The following CHD3 variants were observed in gnomAD, a reference collection of about 807,000 sequenced individuals.
The protein encoded by CHD3 is ATP-dependent chromatin remodeler CHD3.
In CHD3, 52 loss-of-function variants were observed where a neutral mutation model predicts 248.9. That is an observed-to-expected ratio of 0.21 (90% CI 0.17 to 0.26). The LOEUF (loss-of-function observed/expected upper bound fraction) is 0.26, where lower values mean the gene tolerates loss of function less well. Among genes scored for constraint, CHD3 ranks in the 10% least tolerant of loss-of-function variants. The pLI, the probability that CHD3 is intolerant of heterozygous loss-of-function variation, is 1.00. For synonymous variants in CHD3, 985 were observed against 985.2 expected (o/e 1.00, Z 0.00); for missense variants, 1,482 against 2,605.8 (o/e 0.57, Z 9.39).
chr17:7,897,872 T>G lies in CHD3; in HGVS notation c.1920-99T>G. 1 of 1,365,294 alleles carries G rather than the reference T, an allele frequency of 7.3e-7. No individual in the cohort carries two copies. The highest frequency in any genetic ancestry group is 1.0e-6 in the Non-Finnish European group (1 of 999,790). 84.6% of individuals were successfully genotyped at this position (1,365,294 alleles called of 1,614,324 possible). On this transcript the variant is annotated intron_variant, in intron 11 of 39. Transcript: ENST00000330494. The surrounding 1 kb of genome is among the most constrained non-coding windows in gnomAD (Gnocchi z 4.8). ...CTGTTGACGGTTGGGTGACAAATTT[T>G]GTGTGTTTGCTGATAATTGCGTTTC...
At position 7,904,745 on chromosome 17, in the gene CHD3, A is replaced by G. The variant is rs141535644; in HGVS notation, c.4072+126A>G. On this transcript the variant is annotated intron_variant, in intron 25 of 39. Coordinates refer to ENST00000330494, the MANE Select transcript of CHD3 (RefSeq NM_001005273.3). The surrounding 1 kb of genome is among the most constrained non-coding windows in gnomAD (Gnocchi z 4.4). ...TCAGAGCCTTCCTCTGCTAAAAGGGAAAGACATAAGGTAGAGTCATTAGGA... is the reference window on the plus strand; with the variant it reads ...TCAGAGCCTTCCTCTGCTAAAAGGGGAAGACATAAGGTAGAGTCATTAGGA... 4.3e-4 allele frequency: 407 copies of G among 941,842 alleles called. 2 individuals carry two copies. The African/African-American group carries it at 6.2e-3, about 14-fold the overall frequency. The allele number at this position is 941,842 out of a possible 1,614,324, so 58.3% of individuals were successfully genotyped here. A position where few individuals can be genotyped will look rare whatever the true frequency, so the allele number is the denominator to read the frequency against.
In CHD3 at chr17:7,888,912, G is replaced by T. The variant is rs778951661; in HGVS notation, c.-89G>T. The T allele has an allele frequency of 2.5e-6, 4 of 1,591,066 alleles. No individual in the cohort carries two copies. Among genetic ancestry groups the T allele is most frequent in the Non-Finnish European group, 2.6e-6 (3 of 1,168,088 alleles). ...TATGGCCCCCTAGTTCCCAAAGGGAGCAGGGAGATGGGAATAGAATTGAAG... is the reference window on the plus strand; with the variant it reads ...TATGGCCCCCTAGTTCCCAAAGGGATCAGGGAGATGGGAATAGAATTGAAG... On this transcript the variant is annotated 5_prime_UTR_variant, in exon 1 of 40. Coordinates refer to ENST00000330494, the MANE Select transcript of CHD3 (RefSeq NM_001005273.3).
chr17:7,902,854 T>A, intron 21 of CHD3, 83 bp from the exon 22 acceptor site: 2 of 1,587,784 alleles, frequency 1.3e-6, no homozygotes, highest in South Asian at 2.3e-5. Context: ...GGGGCATGGT[T>A]GTTTGTCATC....
chr17:7,899,308 C>A lies in CHD3; in HGVS notation c.2344-35C>A, dbSNP rs781451571. ...GAGGACTAGGGTATACGGCCTCTAG[C>A]CTAGACTTATGCTGCCCCCATTCTT... On this transcript the variant is annotated intron_variant, in intron 14 of 39. Transcript: ENST00000330494. The surrounding 1 kb of genome is among the most constrained non-coding windows in gnomAD (Gnocchi z 6.8). The A allele has an allele frequency of 6.2e-7, 1 of 1,611,796 alleles. No individual in the cohort carries two copies. Among genetic ancestry groups the A allele is most frequent in the Non-Finnish European group, 8.5e-7 (1 of 1,178,070 alleles).
At position 7,890,707 on chromosome 17, in the gene CHD3, G is replaced by A. The variant is rs1597920787; in HGVS notation, c.350G>A (p.Arg117Gln). ...HREKKEKKTK[R>Q]RKKGEGDGGQ... ...GAAAAAAAGGAGAAGAAGACAAAGC[G>A]GCGGAAAAAGGGGGAGGGAGATGGG... The change falls in exon 3 of 40, where the codon CGG (arginine) becomes CAG (glutamine). Residue 117 changes from arginine to glutamine, a missense_variant. By Grantham distance (43) the Arg-to-Gln change is conservative. Around this residue, in one of 20 missense-constraint regions of CHD3, gnomAD observed 169 missense variants for 168.1 expected, o/e 1.01. Coordinates refer to ENST00000330494, the MANE Select transcript of CHD3 (RefSeq NM_001005273.3). 1.9e-6 allele frequency: 3 copies of A among 1,584,118 alleles called. No homozygotes were observed. Among genetic ancestry groups the A allele is most frequent in the South Asian group, 1.1e-5 (1 of 88,664 alleles).
Position 7,908,310 on chromosome 17 carries a change from C to A in CHD3, c.5153-92C>A. The A allele has an allele frequency of 9.4e-7, 1 of 1,063,780 alleles. No individual in the cohort carries two copies. Among genetic ancestry groups the A allele is most frequent in the Non-Finnish European group, 1.4e-6 (1 of 711,562 alleles). 65.9% of individuals were successfully genotyped at this position (1,063,780 alleles called of 1,614,324 possible). A position where few individuals can be genotyped will look rare whatever the true frequency, so the allele number is the denominator to read the frequency against. ...TCTTCAGGAGCCCTTAGTTCCCTTT[C>A]ATTATTCAGTTTCTCCATCTCTACC... On this transcript the variant is annotated intron_variant, in intron 34 of 39. Coordinates refer to ENST00000330494, the MANE Select transcript of CHD3 (RefSeq NM_001005273.3). The surrounding 1 kb of genome is among the most constrained non-coding windows in gnomAD (Gnocchi z 5.8).
At position 7,908,040 on chromosome 17, in the gene CHD3, T is replaced by A. The variant is rs765304702; in HGVS notation, c.5152+21T>A. On this transcript the variant is annotated intron_variant, in intron 34 of 39. Transcript: ENST00000330494. This position sits in a 1 kb window ranked among gnomAD's most constrained non-coding sequence, Gnocchi z 5.8. Reference sequence around the variant, plus strand: ...CACAGGTTGGGGAGACTCTCGCTGCTTTCTGCTCCTCAAGGGGATCTGCTC... The same window carrying A: ...CACAGGTTGGGGAGACTCTCGCTGCATTCTGCTCCTCAAGGGGATCTGCTC... 1 of 1,581,724 alleles carries A rather than the reference T, an allele frequency of 6.3e-7. No individual in the cohort carries two copies. The highest frequency in any genetic ancestry group is 1.1e-5 in the South Asian group (1 of 88,274).
chr17:7,897,312 G>A lies in CHD3; in HGVS notation c.1919+18G>A. ...AACCACAGGTGAATCCTCGGTCCCT[G>A]GGAAGTCAGACCTGGTATATGACAT... On this transcript the variant is annotated intron_variant, in intron 11 of 39. Coordinates refer to ENST00000330494, the MANE Select transcript of CHD3 (RefSeq NM_001005273.3). The surrounding 1 kb of genome is among the most constrained non-coding windows in gnomAD (Gnocchi z 4.8). 6.2e-7 allele frequency: 1 copy of A among 1,606,920 alleles called. No homozygotes were observed.
Position 7,898,522 on chromosome 17 carries a change from C to T in CHD3, c.2078C>T (p.Ala693Val). ...GAACTAATTATGGGGGAAGACCCTG[C>T]CCAGCCCCGCAAGTATAAGAAGAAG... ...HRELIMGEDP[A>V]QPRKYKKKKK... The change falls in exon 13 of 40, where the codon GCC (alanine) becomes GTC (valine). Residue 693 changes from alanine to valine, a missense_variant. Around this residue, in one of 20 missense-constraint regions of CHD3, gnomAD observed 127 missense variants for 188.3 expected, o/e 0.67. Transcript: ENST00000330494. The T allele has an allele frequency of 1.2e-6, 2 of 1,613,970 alleles. No individual in the cohort carries two copies. Among genetic ancestry groups the T allele is most frequent in the South Asian group, 2.2e-5 (2 of 91,070 alleles).
Position 7,907,432 on chromosome 17 carries a change from G to C in CHD3, c.4868G>C (p.Gly1623Ala). ...ATTCCTCTAGAGGATGAGGTGCCAG[G>C]GGTGCCTGGAGAGATGGAGCCTGAA... ...RKIPLEDEVP[G>A]VPGEMEPEPG... Residue 1623 changes from glycine (G) to alanine (A), a missense_variant, in exon 32 of 40, where the codon GGG becomes GCG. Transcript: ENST00000330494. This position sits in a 1 kb window ranked among gnomAD's most constrained non-coding sequence, Gnocchi z 4.3. The C allele has an allele frequency of 6.2e-7, 1 of 1,611,442 alleles. No homozygotes were observed. The highest frequency in any genetic ancestry group is 8.5e-7 in the Non-Finnish European group (1 of 1,178,736).
At chr17:7,901,213 C>T (rs779049648) in intron 19 of CHD3, 31 bp from the exon 20 acceptor site, 4 of 1,571,102 alleles carry the variant, frequency 2.5e-6, no homozygotes, top group African/African-American at 1.4e-5. Context: ...TCCAACTGAC[C>T]CCCTCCTCCT....
chr17:7,884,911 GGT>G, upstream of CHD3: 1 of 1,418,754 alleles, frequency 7.0e-7, no homozygotes, highest in East Asian at 3.0e-5. Flanking sequence ...AGGAGGAGGA[GGT>G]GGAGGCGGCC....
chr17:7,897,016 C>T lies in CHD3; in HGVS notation c.1708-67C>T. The T allele has an allele frequency of 2.2e-6, 3 of 1,375,682 alleles. No individual in the cohort carries two copies. Among genetic ancestry groups the T allele is most frequent in the Non-Finnish European group, 3.1e-6 (3 of 967,612 alleles). 85.2% of individuals were successfully genotyped at this position (1,375,682 alleles called of 1,614,324 possible). ...GTCCCATTCCTCCTGCCGGCCTCTT[C>T]CCGGTTCCTTGTTGTCCTCTGTGAG... On this transcript the variant is annotated intron_variant, in intron 10 of 39. Coordinates refer to ENST00000330494, the MANE Select transcript of CHD3 (RefSeq NM_001005273.3). The surrounding 1 kb of genome is among the most constrained non-coding windows in gnomAD (Gnocchi z 4.8).
At position 7,899,248 on chromosome 17, in the gene CHD3, G is replaced by A. The variant is rs752245914; in HGVS notation, c.2343+46G>A. On this transcript the variant is annotated intron_variant, in intron 14 of 39. Coordinates refer to ENST00000330494, the MANE Select transcript of CHD3 (RefSeq NM_001005273.3). The surrounding 1 kb of genome is among the most constrained non-coding windows in gnomAD (Gnocchi z 6.8). The stretch of plus-strand genomic sequence containing the variant: ...GAAGGGGACCGCCTGGACTGGGGAA[G>A]TGGGGAGGGGGAAGATAAAGGGGTG... 6 of 1,603,612 alleles carry A rather than the reference G, an allele frequency of 3.7e-6. No homozygotes were observed. The South Asian group carries it at 6.6e-5, about 18-fold the overall frequency.
In CHD3 at chr17:7,890,573, C is replaced by T; in HGVS notation, c.216C>T (p.Asp72=). 6.3e-7 allele frequency: 1 copy of T among 1,576,034 alleles called. No homozygotes were observed. Among genetic ancestry groups the T allele is most frequent in the African/African-American group, 1.4e-5 (1 of 72,264 alleles). Residue 72 remains aspartate (D), a splice_region_variant and synonymous_variant, in exon 3 of 40, where the codon GAC becomes GAT. Transcript: ENST00000330494. The stretch of plus-strand genomic sequence containing the variant: ...TTATTTTTATTTCTTTCTCTTAGGA[C>T]AGTGAGGAGGAATTTGGTTCTGAGC... ...PGKPRKRKKR[D]SEEEFGSERD...
Position 7,899,130 on chromosome 17 carries a change from C to A in CHD3, c.2271C>A (p.Thr757=), listed in dbSNP as rs752621737. 1.2e-6 allele frequency: 2 copies of A among 1,614,046 alleles called. No individual in the cohort carries two copies. The highest frequency in any genetic ancestry group is 2.2e-5 in the East Asian group (1 of 44,902). ...TCTCCTGGGCCCAGGGCACTGACAC[C>A]ATTCTAGCTGATGAGATGGGGCTAG... ...LRFSWAQGTD[T]ILADEMGLGK... is the part of the protein sequence containing the mutation. The change falls in exon 14 of 40, where the codon ACC becomes ACA. Residue 757 remains threonine (T), a synonymous_variant. Coordinates refer to ENST00000330494, the MANE Select transcript of CHD3 (RefSeq NM_001005273.3). The surrounding 1 kb of genome is among the most constrained non-coding windows in gnomAD (Gnocchi z 6.8).
At position 7,900,544 on chromosome 17, in the gene CHD3, C is replaced by A; in HGVS notation, c.2805-14C>A. On this transcript the variant is annotated splice_polypyrimidine_tract_variant and intron_variant, in intron 17 of 39. Coordinates refer to ENST00000330494, the MANE Select transcript of CHD3 (RefSeq NM_001005273.3). This position sits in a 1 kb window ranked among gnomAD's most constrained non-coding sequence, Gnocchi z 6.5. ...CTTGCCGACCTGTTAATTTTCTTCT[C>A]TTCTGGCTCTTAGCAACTTGGAGGG... 1 of 1,612,124 alleles carries A rather than the reference C, an allele frequency of 6.2e-7. No homozygotes were observed. The highest frequency in any genetic ancestry group is 1.3e-5 in the African/African-American group (1 of 74,986).
In CHD3 at chr17:7,900,164, G is replaced by A; in HGVS notation, c.2683-126G>A. Reference sequence around the variant, plus strand: ...ACGTCCAGGTTGGAAGAGGGAGAGGGCCAGAGATTTGGGGCCTCTGATCCT... The same window carrying A: ...ACGTCCAGGTTGGAAGAGGGAGAGGACCAGAGATTTGGGGCCTCTGATCCT... On this transcript the variant is annotated intron_variant, in intron 16 of 39. Transcript: ENST00000330494. This position sits in a 1 kb window ranked among gnomAD's most constrained non-coding sequence, Gnocchi z 6.5. The A allele has an allele frequency of 2.0e-6, 3 of 1,528,154 alleles. No individual in the cohort carries two copies. Among genetic ancestry groups the A allele is most frequent in the Non-Finnish European group, 2.7e-6 (3 of 1,125,192 alleles). The allele number at this position is 1,528,154 out of a possible 1,614,324, so 94.7% of individuals were successfully genotyped here.
At position 7,903,886 on chromosome 17, in the gene CHD3, G is replaced by C; in HGVS notation, c.3789G>C (p.Leu1263=). ...IHYDNEAIAR[L]LDRNQDATED... ...ATGACAATGAGGCCATCGCTCGGCTGTTGGACCGGAACCAGGATGCAACTG... is the reference window on the plus strand; with the variant it reads ...ATGACAATGAGGCCATCGCTCGGCTCTTGGACCGGAACCAGGATGCAACTG... The change falls in exon 24 of 40, where the codon CTG becomes CTC. Residue 1263 remains leucine (L), a synonymous_variant. Coordinates refer to ENST00000330494, the MANE Select transcript of CHD3 (RefSeq NM_001005273.3). This position sits in a 1 kb window ranked among gnomAD's most constrained non-coding sequence, Gnocchi z 6.8. 1 of 1,614,176 alleles carries C rather than the reference G, an allele frequency of 6.2e-7. No homozygotes were observed. The highest frequency in any genetic ancestry group is 2.2e-5 in the East Asian group (1 of 44,884).
Sources: gnomAD v4.1 joint callset for allele counts on GRCh38, gnomAD v4.1.1 for gene constraint, gnomAD v4.1.1 regional missense constraint, Gnocchi (gnomAD v3.1) non-coding constraint, MANE v1.5 for transcripts, NCBI Gene and HGNC (gene_info 2026-07-23, HGNC 2026-07-21) for gene names.